Variants in NAV2 observed in about 807,000 individuals in gnomAD.
The protein encoded by NAV2 is neuron navigator 2, also known as helicase, APC down-regulated 1.
In NAV2, 54 loss-of-function variants were observed where a neutral mutation model predicts 223.2. The ratio of observed to expected loss-of-function variants is 0.24; its 90% CI spans 0.19 to 0.30. NAV2 has a LOEUF of 0.30. Ranked by LOEUF, NAV2 falls within the 10% of genes least tolerant of loss-of-function variation. The pLI is 1.00. For synonymous variants in NAV2, 1,279 were observed against 1,239.3 expected (o/e 1.03, Z -0.67); for missense variants, 2,806 against 3,147.5 (o/e 0.89, Z 2.60).
At chr11:19,845,834 C>G (rs1256053712) in intron 3 of NAV2, among the ~76,000 whole-genome samples, 1 of 152,154 alleles carries the variant, frequency 6.6e-6, no homozygotes, top group Non-Finnish European at 1.5e-5. Context: ...TCATAATGGG[C>G]TTGGCATTGT....
chr11:19,696,176 T>A (rs1216298118), intron 1 of NAV2, among the ~76,000 whole-genome samples: 2 of 151,490 alleles, frequency 1.3e-5, no homozygotes, highest in African/African-American at 4.8e-5. Context: ...GAAAAAAAAA[T>A]AAAAAAAATA....
intron 1 of NAV2, among the ~76,000 whole-genome samples, chr11:19,736,693 T>A (rs2052333854): frequency 6.6e-6 from 1 of 152,176 alleles, no homozygotes; most frequent in South Asian, 2.1e-4. Context: ...AACCCAGGAT[T>A]TAAACTCAGG....
At chr11:19,510,352 T>C (rs2043240717) in intron 1 of NAV2, among the ~76,000 whole-genome samples, 1 of 152,236 alleles carries the variant, frequency 6.6e-6, no homozygotes, top group Non-Finnish European at 1.5e-5. Flanking sequence ...GATGCTGTCC[T>C]GAAACCTACA....
At chr11:19,465,604 C>G (rs1327836339) in intron 1 of NAV2, among the ~76,000 whole-genome samples, 1 of 152,152 alleles carries the variant, frequency 6.6e-6, no homozygotes, top group African/African-American at 2.4e-5. Context: ...CTGATTAGGG[C>G]TTTTGAGAAA....
intron 1 of NAV2, among the ~76,000 whole-genome samples, chr11:19,549,085 GA>G (rs1176104266): frequency 6.6e-6 from 1 of 152,122 alleles, no homozygotes; most frequent in Non-Finnish European, 1.5e-5. Context: ...CTAAACAGGT[GA>G]ATGTCTCAGC....
chr11:20,028,266 G>C lies in NAV2; in HGVS notation c.2769-7693G>C, dbSNP rs999038994. ...CTTTAAGCCCTCTGAGTGGCATTTG[G>C]ATTCCTGACACGGTGATGTCAGCAT... On this transcript the variant is annotated intron_variant, in intron 11 of 37. Coordinates refer to ENST00000349880, the MANE Select transcript of NAV2 (RefSeq NM_145117.5). 3.9e-5 allele frequency among the ~76,000 whole-genome samples: 6 copies of C among 152,270 alleles called. No individual in the cohort carries two copies. The East Asian group carries it at 7.7e-4, about 20-fold the overall frequency.
At chr11:19,378,962 A>G (rs542858030) in intron 1 of NAV2, among the ~76,000 whole-genome samples, 1 of 152,298 alleles carries the variant, frequency 6.6e-6, no homozygotes, top group Non-Finnish European at 1.5e-5. Context: ...CCTGAGTTCA[A>G]GCCCTGGCTT....
intron 3 of NAV2, among the ~76,000 whole-genome samples, chr11:19,852,268 TA>T (rs1465744076): frequency 2.0e-5 from 3 of 152,180 alleles, no homozygotes; most frequent in Non-Finnish European, 4.4e-5. Flanking sequence ...TATCAGAGAG[TA>T]AGCTATTTGG....
chr11:20,042,839 C>T (rs1241329880), intron 12 of NAV2, among the ~76,000 whole-genome samples: 3 of 152,148 alleles, frequency 2.0e-5, no homozygotes, highest in Admixed American at 6.5e-5. Flanking sequence ...TGCTGCTTCT[C>T]GCTACTGACA....
chr11:19,794,405 A>G (rs1397003424), intron 1 of NAV2, among the ~76,000 whole-genome samples: 1 of 152,168 alleles, frequency 6.6e-6, no homozygotes, highest in Non-Finnish European at 1.5e-5. Flanking sequence ...CCAGTCTCTT[A>G]CATCTTTATA....
At chr11:19,918,885 G>A (rs2044029473) in intron 6 of NAV2, among the ~76,000 whole-genome samples, 1 of 152,160 alleles carries the variant, frequency 6.6e-6, no homozygotes, top group Admixed American at 6.5e-5. Context: ...CAATCATCAC[G>A]ATAGCTTCTT....
intron 1 of NAV2, among the ~76,000 whole-genome samples, chr11:19,407,836 G>A (rs899758566): frequency 6.6e-6 from 1 of 152,064 alleles, no homozygotes; most frequent in Non-Finnish European, 1.5e-5. Flanking sequence ...CTCCGGCTGG[G>A]GCATGATAAT....
intron 1 of NAV2, among the ~76,000 whole-genome samples, chr11:19,586,549 G>A (rs981253432): frequency 6.6e-6 from 1 of 152,296 alleles, no homozygotes; most frequent in African/African-American, 2.4e-5. Context: ...ACGTACATAT[G>A]GGGTTTTGTT....
chr11:19,650,596 T>C (rs191074230), intron 1 of NAV2, among the ~76,000 whole-genome samples: 10 of 152,304 alleles, frequency 6.6e-5, no homozygotes, highest in African/African-American at 9.6e-5. Flanking sequence ...AATGAAAGCA[T>C]AGGGCTACAC....
chr11:19,469,045 TGCACCTAGCATA>T (rs1257132029), intron 1 of NAV2, among the ~76,000 whole-genome samples: 1 of 152,246 alleles, frequency 6.6e-6, no homozygotes, highest in African/African-American at 2.4e-5. Flanking sequence ...ATTCGTGGAA[TGCACCTAGCATA>T]GTACCTGGCA....
At chr11:19,573,160 A>G (rs1009948160) in intron 1 of NAV2, among the ~76,000 whole-genome samples, 1 of 152,056 alleles carries the variant, frequency 6.6e-6, no homozygotes, top group Admixed American at 6.5e-5. Context: ...CTCCACCCAG[A>G]CATCTGTGTG....
At chr11:19,724,194 G>C (rs1197945679) in intron 1 of NAV2, among the ~76,000 whole-genome samples, 2 of 152,114 alleles carry the variant, frequency 1.3e-5, no homozygotes, top group African/African-American at 4.8e-5. Flanking sequence ...CAGCTCCAAA[G>C]AGCAGAGTAA....
intron 1 of NAV2, among the ~76,000 whole-genome samples, chr11:19,488,680 G>A (rs944802916): frequency 6.6e-6 from 1 of 152,294 alleles, no homozygotes; most frequent in Non-Finnish European, 1.5e-5. Context: ...AAAATTAGCA[G>A]CTAGTTATTG....
intron 11 of NAV2, among the ~76,000 whole-genome samples, chr11:20,029,034 T>A (rs941158687): frequency 1.3e-5 from 2 of 152,062 alleles, no homozygotes; most frequent in Admixed American, 6.5e-5. Flanking sequence ...ACAGGTGAAA[T>A]CAGCAATGAA....
Sources: allele counts gnomAD v4.1 joint callset (sites outside exome capture counted in the v4.1 genomes callset), GRCh38; gene constraint gnomAD v4.1.1; transcripts MANE v1.5; gene names NCBI Gene and HGNC (gene_info 2026-07-23, HGNC 2026-07-21).